Variants in ATP8A1 observed in about 807,000 individuals in gnomAD.
ATP8A1 encodes the protein phospholipid-transporting ATPase IA.
Under a neutral mutation model 177.7 loss-of-function variants are expected in ATP8A1, and 90 were observed. The ratio of observed to expected loss-of-function variants is 0.51; its 90% CI spans 0.43 to 0.60. ATP8A1 has a LOEUF of 0.60. Ranked by LOEUF, ATP8A1 falls within the 20% of genes least tolerant of loss-of-function variation. The pLI, the probability that ATP8A1 is intolerant of heterozygous loss-of-function variation, is 0.00. For missense variants in ATP8A1, 1,072 were observed against 1,392.8 expected (o/e 0.77, Z 3.67); for synonymous variants, 493 against 485.9 (o/e 1.01, Z -0.19).
chr4:42,557,872 A>G (rs981493964), intron 15 of ATP8A1, among the ~76,000 whole-genome samples: 1 of 151,924 alleles, frequency 6.6e-6, no homozygotes, highest in African/African-American at 2.4e-5. Context: ...ATGAAACCCC[A>G]TCTCTACTAA....
intron 30 of ATP8A1, among the ~76,000 whole-genome samples, chr4:42,449,520 A>G (rs1250585334): frequency 2.0e-5 from 3 of 152,208 alleles, no homozygotes; most frequent in South Asian, 4.1e-4. Context: ...TATATTACAC[A>G]GCATGTGTAA....
chr4:42,642,278 T>C (rs1242257247), intron 1 of ATP8A1, among the ~76,000 whole-genome samples: 2 of 152,054 alleles, frequency 1.3e-5, no homozygotes, highest in Non-Finnish European at 2.9e-5. Context: ...CAAAAGAGCA[T>C]CCAAGAACTC....
intron 13 of ATP8A1, 58 bp downstream of exon 13, chr4:42,575,564 T>C (rs1732359787): frequency 1.4e-6 from 2 of 1,437,816 alleles, no homozygotes; most frequent in East Asian, 4.6e-5. Context: ...ATATGGCAGA[T>C]ACCACACCAA....
In ATP8A1 at chr4:42,600,352, A is replaced by C. The variant is rs56034447; in HGVS notation, c.450+126T>G. 2.7e-3 allele frequency: 1,583 copies of C among 589,356 alleles called. 26 individuals carry two copies. The African/African-American group carries it at 0.028, about 10-fold the overall frequency. The allele number at this position is 589,356 out of a possible 1,614,324, so 36.5% of individuals were successfully genotyped here. ...GACTGAAGATGCCATGCATGTTTAT[A>C]TTACTAAATAGCTTTTATATTAGTA... On this transcript the variant is annotated intron_variant, in intron 6 of 36. Transcript: ENST00000381668.
chr4:42,475,203 G>A (rs1720912038), intron 25 of ATP8A1, among the ~76,000 whole-genome samples: 1 of 152,122 alleles, frequency 6.6e-6, no homozygotes, highest in African/African-American at 2.4e-5. Flanking sequence ...GTCTCACTCT[G>A]TCGCCAGGCT....
chr4:42,640,342 G>C (rs1427768731), intron 1 of ATP8A1, among the ~76,000 whole-genome samples: 1 of 152,152 alleles, frequency 6.6e-6, no homozygotes, highest in East Asian at 1.9e-4. Flanking sequence ...TATTCTCAAA[G>C]ACCAAAAAGA....
At chr4:42,553,511 T>G (rs1235141507) in intron 16 of ATP8A1, among the ~76,000 whole-genome samples, 2 of 152,206 alleles carry the variant, frequency 1.3e-5, no homozygotes, top group Non-Finnish European at 2.9e-5. Flanking sequence ...GCTTAGGGTT[T>G]ATAGGAGAGA....
At chr4:42,444,827 G>A (rs558648950) in intron 31 of ATP8A1, among the ~76,000 whole-genome samples, 193 bp from the exon 32 acceptor site, 32 of 152,310 alleles carry the variant, frequency 2.1e-4, no homozygotes, top group African/African-American at 7.2e-4. Context: ...ATAGGTCAGA[G>A]GTGCCCAGGG....
intron 1 of ATP8A1, among the ~76,000 whole-genome samples, chr4:42,633,513 G>A (rs940672729): frequency 2.0e-5 from 3 of 152,148 alleles, no homozygotes; most frequent in Admixed American, 2.0e-4. Context: ...ATAAGATAAG[G>A]TCCTCTTTCT....
intron 33 of ATP8A1, among the ~76,000 whole-genome samples, 197 bp from the exon 34 acceptor site, chr4:42,423,902 T>A (rs1714285357): frequency 1.3e-5 from 2 of 152,212 alleles, no homozygotes; most frequent in African/African-American, 4.8e-5. Flanking sequence ...ATACTCTGGA[T>A]TAAATTCTCT....
chr4:42,513,971 C>G (rs1309425792), intron 22 of ATP8A1, among the ~76,000 whole-genome samples: 4 of 152,162 alleles, frequency 2.6e-5, no homozygotes, highest in Non-Finnish European at 4.4e-5. Flanking sequence ...GGTTGCTGGG[C>G]TCCTCTGTGT....
intron 30 of ATP8A1, among the ~76,000 whole-genome samples, chr4:42,449,787 C>T (rs1176774131): frequency 6.6e-6 from 1 of 152,216 alleles, no homozygotes; most frequent in Admixed American, 6.5e-5. Context: ...GAGAGCTGCG[C>T]AGCTTTCCAG....
At position 42,451,998 on chromosome 4, in the gene ATP8A1, A is replaced by G; in HGVS notation, c.2879T>C (p.Leu960Pro). 1.2e-6 allele frequency: 2 copies of G among 1,612,816 alleles called. No individual in the cohort carries two copies. The highest frequency in any genetic ancestry group is 1.7e-6 in the Non-Finnish European group (2 of 1,179,126). Residue 960 changes from leucine to proline, a missense_variant, in exon 30 of 37, where the codon CTA (leucine) becomes CCA (proline). This residue lies in a region of ATP8A1 where 316 missense variants were observed against 459.1 expected (regional missense o/e 0.69). Coordinates refer to ENST00000381668, the MANE Select transcript of ATP8A1 (RefSeq NM_006095.2). ...FHSVILFWFP[L>P]KALQYGTAFG... ...CTACTTACCATACTGAAGGGCTTTT[A>G]GTGGAAACCAAAACAGAATAACTGA...
At chr4:42,627,202 A>G in intron 1 of ATP8A1, 93 bp from the exon 2 acceptor site, 1 of 861,432 alleles carries the variant, frequency 1.2e-6, no homozygotes, top group South Asian at 1.6e-5. Flanking sequence ...AAATCTGTTA[A>G]AAGCTACTTG....
At chr4:42,539,205 A>G (rs893334636) in intron 20 of ATP8A1, among the ~76,000 whole-genome samples, 2 of 151,938 alleles carry the variant, frequency 1.3e-5, no homozygotes, top group Admixed American at 1.3e-4. Flanking sequence ...CAGCTAAGCT[A>G]TGAGGATGCA....
intron 22 of ATP8A1, among the ~76,000 whole-genome samples, chr4:42,507,458 T>G (rs1724489194): frequency 6.6e-6 from 1 of 151,848 alleles, no homozygotes; most frequent in African/African-American, 2.4e-5. Flanking sequence ...CTGGGCACGG[T>G]GGCTCACGCC....
intron 22 of ATP8A1, among the ~76,000 whole-genome samples, chr4:42,515,141 C>T (rs1280820177): frequency 2.6e-5 from 4 of 152,110 alleles, no homozygotes; most frequent in African/African-American, 2.4e-5. Flanking sequence ...GTGAAAATTG[C>T]GGAGCTTAGT....
chr4:42,424,519 G>A (rs959919004), intron 33 of ATP8A1, among the ~76,000 whole-genome samples: 19 of 151,914 alleles, frequency 1.3e-4, no homozygotes, highest in Admixed American at 5.2e-4. Context: ...GCCAACTAAC[G>A]CATGCACATT....
In ATP8A1 at chr4:42,478,794, C is replaced by T. The variant is rs552867294; in HGVS notation, c.2324+6702G>A. 3.3e-5 allele frequency among the ~76,000 whole-genome samples: 5 copies of T among 152,276 alleles called. No homozygotes were observed. In the South Asian group the frequency reaches 6.2e-4, roughly 19 times the overall value. ...GCTGCTATGTGTAAGTATGTATTGACACCTCATTGTAAAACAAATTCATGT... is the reference window on the plus strand; with the variant it reads ...GCTGCTATGTGTAAGTATGTATTGATACCTCATTGTAAAACAAATTCATGT... On this transcript the variant is annotated intron_variant, in intron 25 of 36. Coordinates refer to ENST00000381668, the MANE Select transcript of ATP8A1 (RefSeq NM_006095.2).
Sources: gnomAD v4.1 joint callset for allele counts (sites outside exome capture counted in the v4.1 genomes callset) on GRCh38, gnomAD v4.1.1 for gene constraint, gnomAD v4.1.1 regional missense constraint, MANE v1.5 for transcripts, NCBI Gene and HGNC (gene_info 2026-07-23, HGNC 2026-07-21) for gene names.